The following CALN1 variants were observed in gnomAD, a reference collection of about 807,000 sequenced individuals.
CALN1 encodes calneuron 1.
In CALN1, 17 loss-of-function variants were observed where a neutral mutation model predicts 30.6. The ratio of observed to expected loss-of-function variants is 0.56; its 90% CI spans 0.38 to 0.83. CALN1 has a LOEUF of 0.83. Ranked by LOEUF, CALN1 falls within the 40% of genes least tolerant of loss-of-function variation. The probability of loss-of-function intolerance (pLI) is 0.00; values close to 1 mark genes in which losing one functional copy is unlikely to be tolerated. For missense variants in CALN1, 291 were observed against 354.9 expected (o/e 0.82, Z 1.45); for synonymous variants, 156 against 131.4 (o/e 1.19, Z -1.28).
intron 3 of CALN1, among the ~76,000 whole-genome samples, chr7:72,174,941 G>A (rs1455232204): frequency 2.0e-5 from 1 of 50,574 alleles, no homozygotes; most frequent in Non-Finnish European, 4.1e-5. Context: ...TTTTTTTTTT[G>A]AGACGGAGTC....
intron 5 of CALN1, among the ~76,000 whole-genome samples, chr7:71,970,718 G>A (rs17144147): frequency 0.053 from 8,098 of 152,008 alleles, 512 homozygotes; most frequent in African/African-American, 0.16. Context: ...AATAAAGCTC[G>A]TGACATTTTC....
intron 1 of CALN1, among the ~76,000 whole-genome samples, chr7:72,439,410 A>T (rs1808276928): frequency 6.6e-6 from 1 of 152,198 alleles, no homozygotes; most frequent in South Asian, 2.1e-4. Context: ...TAACGTAAAC[A>T]GTTGATTAAC....
intron 4 of CALN1, among the ~76,000 whole-genome samples, chr7:72,042,410 C>A (rs1477661010): frequency 6.6e-6 from 1 of 152,210 alleles, no homozygotes; most frequent in African/African-American, 2.4e-5. Flanking sequence ...AATCCTCTCC[C>A]AGTGGCATCC....
At chr7:72,316,704 G>A (rs550673109) in intron 2 of CALN1, among the ~76,000 whole-genome samples, 2 of 152,228 alleles carry the variant, frequency 1.3e-5, no homozygotes, top group South Asian at 4.1e-4. Flanking sequence ...GGGAGGCCGA[G>A]GTGGGAGGAT....
chr7:71,836,027 C>A (rs1374542403), intron 5 of CALN1, among the ~76,000 whole-genome samples: 1 of 152,316 alleles, frequency 6.6e-6, no homozygotes, highest in East Asian at 1.9e-4. Context: ...CAGAGGCAAT[C>A]GGTCATGACC....
intron 1 of CALN1, among the ~76,000 whole-genome samples, chr7:72,405,195 A>G (rs1037051974): frequency 1.3e-5 from 2 of 152,208 alleles, no homozygotes; most frequent in African/African-American, 4.8e-5. Flanking sequence ...CACCTTAAAG[A>G]GAGTAAGTGT....
chr7:72,384,210 A>G (rs1473780837), intron 2 of CALN1, among the ~76,000 whole-genome samples: 2 of 152,208 alleles, frequency 1.3e-5, no homozygotes, highest in Non-Finnish European at 2.9e-5. Flanking sequence ...ATGTGGACTT[A>G]CATAAAACTG....
intron 5 of CALN1, among the ~76,000 whole-genome samples, chr7:71,927,230 GAC>G (rs35195801): frequency 0.19 from 29,156 of 151,972 alleles, 2,949 homozygotes; most frequent in Non-Finnish European, 0.23. Context: ...GTTTTTTTGA[GAC>G]AGAGTCTCAC....
At chr7:72,433,236 C>G (rs983629909) in intron 1 of CALN1, among the ~76,000 whole-genome samples, 7 of 152,120 alleles carry the variant, frequency 4.6e-5, no homozygotes, top group African/African-American at 1.7e-4. Context: ...CCTAAAGTGT[C>G]CCCGGGACAG....
intron 5 of CALN1, among the ~76,000 whole-genome samples, chr7:71,813,787 C>T (rs978433250): frequency 3.3e-5 from 5 of 151,882 alleles, no homozygotes; most frequent in Non-Finnish European, 7.4e-5. Context: ...AAAAATTAGC[C>T]GGGCATGGTG....
intron 3 of CALN1, among the ~76,000 whole-genome samples, chr7:72,261,831 TGAG>T (rs1796292035): frequency 6.6e-6 from 1 of 152,192 alleles, no homozygotes; most frequent in South Asian, 2.1e-4. Flanking sequence ...TTGAAGTTGA[TGAG>T]TAGAGTTTGG....
At chr7:72,028,257 A>G (rs1463924916) in intron 4 of CALN1, among the ~76,000 whole-genome samples, 1 of 139,448 alleles carries the variant, frequency 7.2e-6, no homozygotes, top group Non-Finnish European at 1.5e-5. Context: ...CAAGGTAGCA[A>G]GAGGAGCAAG....
intron 2 of CALN1, among the ~76,000 whole-genome samples, chr7:72,341,026 T>C (rs1802357088): frequency 6.6e-6 from 1 of 151,946 alleles, no homozygotes; most frequent in African/African-American, 2.4e-5. Context: ...TTATCAGCAA[T>C]GTGAAAACGA....
chr7:72,399,213 T>C (rs553191987), intron 2 of CALN1, among the ~76,000 whole-genome samples: 35 of 148,936 alleles, frequency 2.3e-4, no homozygotes, highest in Non-Finnish European at 3.9e-4. Context: ...TGGCTGGCTG[T>C]GGGAAGGGTG....
chr7:71,795,814 CTTTTTT>C (rs55667543), intron 6 of CALN1, among the ~76,000 whole-genome samples: 1 of 98,586 alleles, frequency 1.0e-5, no homozygotes, highest in African/African-American at 4.5e-5. Context: ...GTACTTCATT[CTTTTTT>C]TTTTTTTTTT....
intron 3 of CALN1, among the ~76,000 whole-genome samples, chr7:72,162,093 A>G (rs1788154303): frequency 1.3e-5 from 2 of 151,886 alleles, no homozygotes; most frequent in South Asian, 4.1e-4. Context: ...AGACAAACTT[A>G]GAATAGAGGT....
At position 72,346,933 on chromosome 7, in the gene CALN1, G is replaced by A. The variant is rs535491870; in HGVS notation, c.119+56318C>T. Among the ~76,000 whole-genome samples, 5 of 152,260 alleles carry A rather than the reference G, an allele frequency of 3.3e-5. No individual in the cohort carries two copies. In the East Asian group the frequency reaches 5.8e-4, roughly 18 times the overall value. ...ATTGGACACAGTAGAAGAGATTAGC[G>A]AACTTTAAAGAGGTCAGTAAAAAAT... On this transcript the variant is annotated intron_variant, in intron 2 of 6. Transcript: ENST00000395275.
intron 2 of CALN1, among the ~76,000 whole-genome samples, chr7:72,386,627 A>G (rs1805225079): frequency 6.6e-6 from 1 of 152,144 alleles, no homozygotes; most frequent in Non-Finnish European, 1.5e-5. Context: ...ACATCAGTGT[A>G]AACCTATGTG....
Position 72,243,128 on chromosome 7 carries a change from G to A in CALN1, c.244+35558C>T, listed in dbSNP as rs574021138. Among the ~76,000 whole-genome samples the A allele has an allele frequency of 1.5e-3, 230 of 152,240 alleles. 2 individuals carry two copies. Among genetic ancestry groups the A allele is most frequent in the Admixed American group, 5.4e-3 (83 of 15,294 alleles). On this transcript the variant is annotated intron_variant, in intron 3 of 6. Coordinates refer to ENST00000395275, the MANE Select transcript of CALN1 (RefSeq NM_031468.4). Reference sequence around the variant, plus strand: ...ATATTTGGAAGTGGGACCTCTGAGAGGTAATTAGGTTTAGATGAGGTCATG... The same window carrying A: ...ATATTTGGAAGTGGGACCTCTGAGAAGTAATTAGGTTTAGATGAGGTCATG...
Sources: allele counts gnomAD v4.1 joint callset (sites outside exome capture counted in the v4.1 genomes callset), GRCh38; gene constraint gnomAD v4.1.1; transcripts MANE v1.5; gene names NCBI Gene and HGNC (gene_info 2026-07-23, HGNC 2026-07-21).